Variants in RNF150 observed in about 807,000 individuals in gnomAD.
The protein encoded by RNF150 is ring finger protein 150.
RNF150 carries 24 observed loss-of-function variants against 39.3 expected under a neutral mutation model. The observed-to-expected ratio is 0.61, with a 90% CI of 0.44 to 0.86. The LOEUF (loss-of-function observed/expected upper bound fraction) is 0.86, where lower values mean the gene tolerates loss of function less well. Ranked by LOEUF, RNF150 falls within the 40% of genes least tolerant of loss-of-function variation. The pLI is 0.00. For missense variants in RNF150, 502 were observed against 587.8 expected (o/e 0.85, Z 1.51); for synonymous variants, 255 against 227.3 (o/e 1.12, Z -1.10).
intron 6 of RNF150, among the ~76,000 whole-genome samples, chr4:140,885,202 T>C (rs1266412283): frequency 1.0e-5 from 1 of 97,094 alleles, no homozygotes; most frequent in Non-Finnish European, 2.0e-5. Flanking sequence ...AACATCAGTC[T>C]TTTTTTTTTT....
intron 1 of RNF150, among the ~76,000 whole-genome samples, chr4:141,096,855 A>T (rs1738806316): frequency 6.6e-6 from 1 of 152,230 alleles, no homozygotes; most frequent in Non-Finnish European, 1.5e-5. Context: ...AAATTCCAAG[A>T]AACTTCAAGA....
At chr4:140,954,618 T>C (rs1240081838) in intron 2 of RNF150, among the ~76,000 whole-genome samples, 3 of 152,242 alleles carry the variant, frequency 2.0e-5, no homozygotes, top group African/African-American at 7.2e-5. Context: ...GTTACTGGTT[T>C]ATTGACAATA....
chr4:140,882,030 T>C (rs1729392917), intron 6 of RNF150, among the ~76,000 whole-genome samples: 1 of 152,148 alleles, frequency 6.6e-6, no homozygotes, highest in South Asian at 2.1e-4. Context: ...TTTTTTATTT[T>C]TATTTTTGAG....
intron 1 of RNF150, among the ~76,000 whole-genome samples, chr4:141,189,448 C>T (rs1458856373): frequency 6.6e-6 from 1 of 152,198 alleles, no homozygotes; most frequent in Non-Finnish European, 1.5e-5. Context: ...CCACTGCTCT[C>T]TTCAGAGTCA....
chr4:141,055,050 T>C (rs1044331173), intron 1 of RNF150, among the ~76,000 whole-genome samples: 3 of 152,158 alleles, frequency 2.0e-5, no homozygotes, highest in African/African-American at 7.2e-5. Context: ...GCTATAGTTT[T>C]TAGCTCAGAA....
rs1728327156 is a variant in RNF150 at position 141,203,629 on chromosome 4, C to A, written c.-6+9165G>T. 2.0e-5 allele frequency among the ~76,000 whole-genome samples: 3 copies of A among 151,744 alleles called. No homozygotes were observed. In the Admixed American group the frequency reaches 2.0e-4, roughly 10 times the overall value. On this transcript the variant is annotated intron_variant, in intron 1 of 7. Coordinates refer to the RNF150 transcript ENST00000420921. ...TCAACCTTCCTGTAATTTTCAGGGT[C>A]TTTTTTTGTGTCTTTGCTAATTAGC... is the stretch of plus-strand genomic sequence containing the variant.
intron 5 of RNF150, among the ~76,000 whole-genome samples, chr4:140,918,300 C>T (rs138189999): frequency 0.019 from 2,849 of 151,444 alleles, 25 homozygotes; most frequent in East Asian, 0.039. Context: ...ACTAGCAAGA[C>T]GAATAAAGAA....
chr4:141,163,388 T>G (rs1727547461), intron 1 of RNF150, among the ~76,000 whole-genome samples: 1 of 152,192 alleles, frequency 6.6e-6, no homozygotes, highest in African/African-American at 2.4e-5. Flanking sequence ...TCAGCAGACT[T>G]AAACTTTCCC....
chr4:141,022,563 A>T (rs902251307), intron 1 of RNF150, among the ~76,000 whole-genome samples: 1 of 152,206 alleles, frequency 6.6e-6, no homozygotes, highest in African/African-American at 2.4e-5. Flanking sequence ...TCAGTGACCA[A>T]GCAAGTTAAA....
At chr4:141,210,168 T>C (rs1379358826) in intron 1 of RNF150, among the ~76,000 whole-genome samples, 1 of 152,224 alleles carries the variant, frequency 6.6e-6, no homozygotes, top group Non-Finnish European at 1.5e-5. Context: ...CTATGTGTAT[T>C]TGATGATCTT....
chr4:141,084,371 C>A (rs1265030072), intron 1 of RNF150, among the ~76,000 whole-genome samples: 1 of 152,054 alleles, frequency 6.6e-6, no homozygotes, highest in Non-Finnish European at 1.5e-5. Context: ...AAGAGTTTTA[C>A]CCTTTTTAAA....
At chr4:140,947,788 G>A (rs749084683) in intron 3 of RNF150, 52 bp from the exon 4 acceptor site, 3 of 1,292,348 alleles carry the variant, frequency 2.3e-6, no homozygotes, top group Non-Finnish European at 3.2e-6. Flanking sequence ...CATCTCTTGT[G>A]TAAATATCCA....
Position 141,177,500 on chromosome 4 carries a change from C to T in RNF150, c.-6+35294G>A, listed in dbSNP as rs138889177. On this transcript the variant is annotated intron_variant, in intron 1 of 7. Transcript: ENST00000420921. ...TTTCTCTCTCTCTCTCTCTCTCTCC[C>T]TCAATGTAGCCTGCAATGTACATTA... is the stretch of plus-strand genomic sequence containing the variant. 4.2e-3 allele frequency among the ~76,000 whole-genome samples: 630 copies of T among 151,502 alleles called. 8 individuals are homozygous for T. Among genetic ancestry groups the T allele is most frequent in the African/African-American group, 0.014 (594 of 41,238 alleles).
intron 1 of RNF150, among the ~76,000 whole-genome samples, chr4:141,004,900 T>C (rs970632530): frequency 3.9e-5 from 6 of 152,318 alleles, no homozygotes; most frequent in African/African-American, 1.4e-4. Flanking sequence ...AATGGATTAT[T>C]TCCTTTTTTA....
At chr4:141,079,429 G>T (rs1028354840) in intron 1 of RNF150, among the ~76,000 whole-genome samples, 1 of 152,134 alleles carries the variant, frequency 6.6e-6, no homozygotes, top group South Asian at 2.1e-4. Flanking sequence ...TCAATTGGTA[G>T]AGTAAGACTG....
intron 1 of RNF150, among the ~76,000 whole-genome samples, chr4:141,075,880 G>A (rs114038244): frequency 0.013 from 1,958 of 152,084 alleles, 55 homozygotes; most frequent in African/African-American, 0.045. Context: ...GTGCACCAAA[G>A]TCTCAGAAAT....
intron 1 of RNF150, among the ~76,000 whole-genome samples, chr4:141,041,737 A>G (rs554425241): frequency 2.0e-5 from 3 of 152,120 alleles, no homozygotes; most frequent in Admixed American, 6.6e-5. Flanking sequence ...ATCAAATACA[A>G]TGTAAGAAAA....
intron 4 of RNF150, among the ~76,000 whole-genome samples, chr4:140,932,955 T>A (rs1731709026): frequency 6.6e-6 from 1 of 152,218 alleles, no homozygotes; most frequent in Middle Eastern, 3.2e-3. Context: ...GAGTGAGATA[T>A]CCTTGCTGTG....
chr4:141,178,422 A>G (rs1727853537), intron 1 of RNF150, among the ~76,000 whole-genome samples: 1 of 152,232 alleles, frequency 6.6e-6, no homozygotes, highest in South Asian at 2.1e-4. Flanking sequence ...GTAGTGAAAG[A>G]GCAATCTTTG....
Sources: allele counts gnomAD v4.1 joint callset (sites outside exome capture counted in the v4.1 genomes callset), GRCh38; gene constraint gnomAD v4.1.1; transcripts MANE v1.5; gene names NCBI Gene and HGNC (gene_info 2026-07-23, HGNC 2026-07-21).